The following ZNF100 variants were observed in gnomAD, a reference collection of about 807,000 sequenced individuals.
ZNF100 encodes the protein zinc finger protein 100 (Y1).
ZNF100 carries 12 observed loss-of-function variants against 15.8 expected under a neutral mutation model. The ratio of observed to expected loss-of-function variants is 0.76; its 90% CI spans 0.49 to 1.23. ZNF100 has a LOEUF of 1.23. Ranked by LOEUF, ZNF100 falls within the 50% of genes most tolerant of loss-of-function variation. The pLI is 0.00. For missense variants in ZNF100, 670 were observed against 635.6 expected, an observed-to-expected ratio of 1.05 and a Z score of -0.58; for synonymous variants, 226 against 214.8, an observed-to-expected ratio of 1.05 and a Z score of -0.45.
At position 21,767,573 on chromosome 19, in the gene ZNF100, C is replaced by CGGCG; in HGVS notation, c.-145_-144insCGCC. On this transcript the variant is annotated 5_prime_UTR_variant, in exon 1 of 5. Coordinates refer to ENST00000358296, the MANE Select transcript of ZNF100 (RefSeq NM_173531.4). ...CTGGAGCTCCGGCTACAGCGAGAGA[C>CGGCG]AAAGACCCCGCCAAACCCGGAAGCC... 1 of 1,340,798 alleles carries CGGCG rather than the reference C, an allele frequency of 7.5e-7. No homozygotes were observed. Among genetic ancestry groups the CGGCG allele is most frequent in the South Asian group, 1.4e-5 (1 of 71,904 alleles). The allele number at this position is 1,340,798 out of a possible 1,614,324, so 83.1% of individuals were successfully genotyped here.
At position 21,726,922 on chromosome 19, in the gene ZNF100, TG is replaced by T; in HGVS notation, c.1389del (p.Ala465ProfsTer8). The T allele has an allele frequency of 6.2e-7, 1 of 1,611,284 alleles. No homozygotes were observed. Among genetic ancestry groups the T allele is most frequent in the Non-Finnish European group, 8.5e-7 (1 of 1,179,112 alleles). On this transcript the variant is annotated frameshift_variant, in exon 5 of 5. Transcript: ENST00000358296. LOFTEE classifies it low-confidence loss of function (END_TRUNC). The stretch of plus-strand genomic sequence containing the variant: ...AGTTGTGAGGACCGGTTAAAGGCTT[TG>T]CCACATTCGTCACATTTGTAGGGTT... ...GEKPYKCDEC[G>X]KAFNRSSQLT...
intron 2 of ZNF100, among the ~76,000 whole-genome samples, chr19:21,759,689 G>A (rs1208558338): frequency 2.0e-5 from 3 of 152,062 alleles, no homozygotes; most frequent in Non-Finnish European, 2.9e-5. Context: ...AGTGTCCTGT[G>A]GTCATCCTCA....
At position 21,767,558 on chromosome 19, in the gene ZNF100, G is replaced by T; in HGVS notation, c.-129C>A. On this transcript the variant is annotated 5_prime_UTR_variant, in exon 1 of 5. Transcript: ENST00000358296. ...AAGTGAGAGCAAAACCTGGAGCTCC[G>T]GCTACAGCGAGAGACAAAGACCCCG... is the stretch of plus-strand genomic sequence containing the variant. The T allele has an allele frequency of 4.3e-6, 6 of 1,408,566 alleles. No individual in the cohort carries two copies. Among genetic ancestry groups the T allele is most frequent in the South Asian group, 2.7e-5 (2 of 75,380 alleles). 87.3% of individuals were successfully genotyped at this position (1,408,566 alleles called of 1,614,324 possible).
At chr19:21,756,694 T>C (rs1005220140) in intron 2 of ZNF100, among the ~76,000 whole-genome samples, 4 of 152,234 alleles carry the variant, frequency 2.6e-5, no homozygotes, top group Non-Finnish European at 4.4e-5. Flanking sequence ...ATGCTATTCC[T>C]ATCAAACTAC....
At chr19:21,756,515 G>T (rs34569334) in intron 2 of ZNF100, among the ~76,000 whole-genome samples, 14,217 of 151,326 alleles carry the variant, frequency 0.094, 894 homozygotes, top group South Asian at 0.18. Context: ...CACAAATATC[G>T]AGGAATACAG....
At chr19:21,730,915 T>C (rs1366037814) in intron 4 of ZNF100, among the ~76,000 whole-genome samples, 2 of 152,308 alleles carry the variant, frequency 1.3e-5, no homozygotes, top group Non-Finnish European at 2.9e-5. Context: ...ATAGAAATAA[T>C]AGATATTTTG....
At chr19:21,755,397 C>T (rs1379410411) in intron 2 of ZNF100, among the ~76,000 whole-genome samples, 1 of 151,422 alleles carries the variant, frequency 6.6e-6, no homozygotes, top group East Asian at 1.9e-4. Context: ...ATACATCTCA[C>T]ACCAGTCAGA....
rs1323501189 is a variant in ZNF100, at chr19:21,723,225, TG to T, written c.*3457del. 6.6e-6 allele frequency: 1 copy of T among 151,552 alleles called. No homozygotes were observed. The highest frequency in any genetic ancestry group is 2.4e-5 in the African/African-American group (1 of 41,274). The allele number at this position is 151,552 out of a possible 1,614,324, so 9.4% of individuals were successfully genotyped here. On this transcript the variant is annotated 3_prime_UTR_variant, in exon 5 of 5. Transcript: ENST00000358296. ...AAAAAAAAAATTCAGCCAGATGTGG[TG>T]GCAGGTGCCTGTAATCCCAGCTACT... is the stretch of plus-strand genomic sequence containing the variant.
At chr19:21,730,243 TA>T (rs200222176) in intron 4 of ZNF100, among the ~76,000 whole-genome samples, 5 of 151,164 alleles carry the variant, frequency 3.3e-5, no homozygotes, top group Non-Finnish European at 7.4e-5. Context: ...ATCTATTGAT[TA>T]AAAAAAAACT....
At chr19:21,764,459 T>C (rs773633375) in intron 2 of ZNF100, among the ~76,000 whole-genome samples, 2 of 151,886 alleles carry the variant, frequency 1.3e-5, no homozygotes, top group Non-Finnish European at 2.9e-5. Context: ...CTGACCAACA[T>C]AGTGAAACCC....
At chr19:21,746,282 G>A (rs2036211411) in intron 2 of ZNF100, among the ~76,000 whole-genome samples, 1 of 152,124 alleles carries the variant, frequency 6.6e-6, no homozygotes, top group Non-Finnish European at 1.5e-5. Flanking sequence ...TCAAGATACA[G>A]GTATCTCCAA....
chr19:21,742,912 G>A (rs2036142850), intron 4 of ZNF100, among the ~76,000 whole-genome samples: 1 of 151,794 alleles, frequency 6.6e-6, no homozygotes, highest in Non-Finnish European at 1.5e-5. Flanking sequence ...TAACCAAGAA[G>A]GTAAAAAAAA....
At chr19:21,765,588 TTG>T (rs1159825190) in intron 2 of ZNF100, 104 bp downstream of exon 2, 4 of 957,458 alleles carry the variant, frequency 4.2e-6, no homozygotes, top group Non-Finnish European at 6.4e-6. Context: ...GAAATTATTT[TTG>T]TGTTTCCCCT....
chr19:21,729,532 A>G (rs141111647), intron 4 of ZNF100, among the ~76,000 whole-genome samples: 4,169 of 152,210 alleles, frequency 0.027, 210 homozygotes, highest in African/African-American at 0.094. Flanking sequence ...ACAAACCTGT[A>G]CATTGTGCAC....
At chr19:21,739,049 A>G (rs1369549445) in intron 4 of ZNF100, among the ~76,000 whole-genome samples, 2 of 152,196 alleles carry the variant, frequency 1.3e-5, no homozygotes, top group Non-Finnish European at 2.9e-5. Context: ...GGCATTTATG[A>G]GAAATTCGTC....
intron 2 of ZNF100, chr19:21,750,816 C>G (rs1342722326): frequency 4.6e-6 from 2 of 430,422 alleles, no homozygotes; most frequent in Admixed American, 4.0e-5. Flanking sequence ...GAGAAGGCGC[C>G]AGCCCCGGCC....
At chr19:21,752,012 T>A in intron 2 of ZNF100, 1 of 325,472 alleles carries the variant, frequency 3.1e-6, no homozygotes, top group East Asian at 5.6e-5. Flanking sequence ...GCAAAATTAG[T>A]GTTTTCATCA....
At chr19:21,757,236 C>CAGA (rs1280390767) in intron 2 of ZNF100, among the ~76,000 whole-genome samples, 1 of 152,120 alleles carries the variant, frequency 6.6e-6, no homozygotes, top group African/African-American at 2.4e-5. Flanking sequence ...TCAGGAGTTT[C>CAGA]AGGCCAGCCT....
chr19:21,737,378 A>T (rs182097446), intron 4 of ZNF100, among the ~76,000 whole-genome samples: 5 of 151,466 alleles, frequency 3.3e-5, no homozygotes, highest in East Asian at 1.9e-4. Context: ...ATAAAAAAAT[A>T]AAAAAAATTA....
Sources: gnomAD v4.1 joint callset for allele counts (sites outside exome capture counted in the v4.1 genomes callset) on GRCh38, gnomAD v4.1.1 for gene constraint, MANE v1.5 for transcripts, NCBI Gene and HGNC (gene_info 2026-07-23, HGNC 2026-07-21) for gene names.